Variants in CES3 observed in about 807,000 individuals in gnomAD.
CES3 encodes carboxylesterase 3.
Under a neutral mutation model 57.6 loss-of-function variants are expected in CES3, and 49 were observed. The ratio of observed to expected loss-of-function variants is 0.85; its 90% CI spans 0.68 to 1.08. The LOEUF is 1.08. CES3 is among the 50% of genes least tolerant of loss of function. The probability of loss-of-function intolerance (pLI) is 0.00; values close to 1 mark genes in which losing one functional copy is unlikely to be tolerated. For synonymous variants in CES3, 266 were observed against 281.6 expected, an observed-to-expected ratio of 0.94 and a Z score of 0.55; for missense variants, 645 against 742.0, an observed-to-expected ratio of 0.87 and a Z score of 1.52.
chr16:66,962,801 G>A (rs1963669098), intron 1 of CES3, among the ~76,000 whole-genome samples: 1 of 152,230 alleles, frequency 6.6e-6, no homozygotes, highest in South Asian at 2.1e-4. Flanking sequence ...GGAGGCTGAG[G>A]CCCTGGAGTC....
Position 66,966,352 on chromosome 16 carries a change from C to T in CES3, c.921+7C>T. Reference sequence around the variant, plus strand: ...GGTCCTTAGCAAGAAGCTGGTATGGCCACCCTTTTGGGGATGGTGCCGGGC... The same window carrying T: ...GGTCCTTAGCAAGAAGCTGGTATGGTCACCCTTTTGGGGATGGTGCCGGGC... On this transcript the variant is annotated splice_region_variant and intron_variant, in intron 7 of 12. Coordinates refer to ENST00000303334, the MANE Select transcript of CES3 (RefSeq NM_024922.6). 6.2e-7 allele frequency: 1 copy of T among 1,612,594 alleles called. No individual in the cohort carries two copies.
chr16:66,967,869 C>G (rs1243999392), intron 8 of CES3: 2 of 615,388 alleles, frequency 3.2e-6, no homozygotes, highest in Non-Finnish European at 4.1e-6. Context: ...CCGAGCAATC[C>G]TCCCAGCTTC....
At position 66,967,822 on chromosome 16, in the gene CES3, C is replaced by T. The variant is rs1165916336; in HGVS notation, c.1062+957C>T. Reference sequence around the variant, plus strand: ...CATCATCCAGGCTGCAGTGCAGCAGCGCCATCATGACTCTCTACTGCCTCA... The same window carrying T: ...CATCATCCAGGCTGCAGTGCAGCAGTGCCATCATGACTCTCTACTGCCTCA... On this transcript the variant is annotated intron_variant, in intron 8 of 12. Coordinates refer to ENST00000303334, the MANE Select transcript of CES3 (RefSeq NM_024922.6). 7.5e-6 allele frequency: 7 copies of T among 927,802 alleles called. No homozygotes were observed. In the South Asian group the frequency reaches 2.0e-4, roughly 26 times the overall value. The allele number at this position is 927,802 out of a possible 1,614,324, so 57.5% of individuals were successfully genotyped here.
intron 4 of CES3, 124 bp downstream of exon 4, chr16:66,964,059 G>A: frequency 7.2e-7 from 1 of 1,382,356 alleles, no homozygotes; most frequent in African/African-American, 1.4e-5. Context: ...TGATGTCTGA[G>A]GCAGAGAAGG....
At chr16:66,971,436 C>A in intron 10 of CES3, 117 bp downstream of exon 10, 1 of 927,102 alleles carries the variant, frequency 1.1e-6, no homozygotes, top group Non-Finnish European at 1.6e-6. Context: ...CACCCCACAC[C>A]CCACTGCCCC....
intron 7 of CES3, 117 bp downstream of exon 7, chr16:66,966,462 G>A: frequency 9.6e-7 from 1 of 1,046,980 alleles, no homozygotes; most frequent in Non-Finnish European, 1.4e-6. Flanking sequence ...AGCAGCTCAT[G>A]AGGGGAAGGG....
At position 66,968,769 on chromosome 16, in the gene CES3, C is replaced by G. The variant is rs541711288; in HGVS notation, c.1063-910C>G. The stretch of plus-strand genomic sequence containing the variant: ...TCTGTACTAAAAATACAAAAATTAG[C>G]TGGGCGTGGTGGTGCATGCCTGTAA... On this transcript the variant is annotated intron_variant, in intron 8 of 12. Coordinates refer to ENST00000303334, the MANE Select transcript of CES3 (RefSeq NM_024922.6). 2.0e-5 allele frequency among the ~76,000 whole-genome samples: 3 copies of G among 152,122 alleles called. No individual in the cohort carries two copies. In the East Asian group the frequency reaches 5.9e-4, roughly 30 times the overall value.
rs754227112 is a variant in CES3 at position 66,972,525 on chromosome 16, C to A, written c.1441+20C>A. On this transcript the variant is annotated intron_variant, in intron 11 of 12. Transcript: ENST00000303334. ...GCCTGGGTGAGGACAGACAGACAGA[C>A]ATGTGATCCCTAGGCTGCCAGACTC... The A allele has an allele frequency of 8.7e-6, 14 of 1,608,036 alleles. No homozygotes were observed. The highest frequency in any genetic ancestry group is 4.5e-5 in the East Asian group (2 of 44,786).
At chr16:66,970,435 G>A (rs779639728) in intron 9 of CES3, among the ~76,000 whole-genome samples, 17 of 152,294 alleles carry the variant, frequency 1.1e-4, no homozygotes, top group Middle Eastern at 6.8e-3. Flanking sequence ...AGGAATTCTC[G>A]CTAGCCCCAT....
In CES3 at chr16:66,972,336, A is replaced by G; in HGVS notation, c.1292-20A>G. Reference sequence around the variant, plus strand: ...ATCAGGCCATGAGTGCCTAACTCCCATCCCATCCTTTCTCTGTAGATTCTG... The same window carrying G: ...ATCAGGCCATGAGTGCCTAACTCCCGTCCCATCCTTTCTCTGTAGATTCTG... On this transcript the variant is annotated intron_variant, in intron 10 of 12. Transcript: ENST00000303334. 1 of 1,568,608 alleles carries G rather than the reference A, an allele frequency of 6.4e-7. No individual in the cohort carries two copies. Among genetic ancestry groups the G allele is most frequent in the Non-Finnish European group, 8.7e-7 (1 of 1,155,634 alleles).
At position 66,963,561 on chromosome 16, in the gene CES3, G is replaced by T. The variant is rs761090294; in HGVS notation, c.358G>T (p.Val120Phe). 1.2e-6 allele frequency: 2 copies of T among 1,614,214 alleles called. No homozygotes were observed. The highest frequency in any genetic ancestry group is 1.7e-6 in the Non-Finnish European group (2 of 1,180,028). The change falls in exon 3 of 13, where the codon GTT (valine) becomes TTT (phenylalanine). Residue 120 changes from valine to phenylalanine, a missense_variant. Coordinates refer to ENST00000303334, the MANE Select transcript of CES3 (RefSeq NM_024922.6). This position sits in a 1 kb window ranked among gnomAD's most constrained non-coding sequence, Gnocchi z 4.9. ...VLNGKQQIFS[V>F]SEDCLVLNVY... is the part of the protein sequence containing the mutation. The stretch of plus-strand genomic sequence containing the variant: ...CAACGGAAAACAGCAGATCTTCTCC[G>T]TTTCAGAGGACTGCCTGGTCCTCAA...
At chr16:66,967,610 T>C (rs1218317980) in intron 8 of CES3, 1 of 985,272 alleles carries the variant, frequency 1.0e-6, no homozygotes, top group East Asian at 1.1e-4. Flanking sequence ...AGCACTGTGC[T>C]TTCATCCCGA....
At chr16:66,968,180 A>G (rs1258226879) in intron 8 of CES3, among the ~76,000 whole-genome samples, 23 of 151,974 alleles carry the variant, frequency 1.5e-4, no homozygotes, top group Admixed American at 1.5e-3. Flanking sequence ...TGTTTTTGAG[A>G]TGGAGTTTTG....
chr16:66,971,195 C>T lies in CES3; in HGVS notation c.1167C>T (p.Pro389=). Residue 389 remains proline, a synonymous_variant, in exon 10 of 13, where the codon CCC becomes CCT. Coordinates refer to ENST00000303334, the MANE Select transcript of CES3 (RefSeq NM_024922.6). ...TSLDVPPEMM[P]TVIDEYLGSN... is the part of the protein sequence containing the mutation. ...AGGATGTGCCCCCTGAGATGATGCC[C>T]ACCGTCATAGATGAATACCTAGGAA... 2 of 1,613,824 alleles carry T rather than the reference C, an allele frequency of 1.2e-6. No homozygotes were observed. The highest frequency in any genetic ancestry group is 1.1e-5 in the South Asian group (1 of 91,024).
At chr16:66,967,698 T>TTTC (rs1295923974) in intron 8 of CES3, 2 of 985,332 alleles carry the variant, frequency 2.0e-6, no homozygotes, top group Non-Finnish European at 2.4e-6. Flanking sequence ...TTTTTTTTTT[T>TTTC]TTCGTCTTGG....
At position 66,964,521 on chromosome 16, in the gene CES3, A is replaced by C. The variant is rs1321195452; in HGVS notation, c.714+11A>C. 1 of 1,613,640 alleles carries C rather than the reference A, an allele frequency of 6.2e-7. No homozygotes were observed. The highest frequency in any genetic ancestry group is 1.1e-5 in the South Asian group (1 of 91,040). ...ATCATCTCTGGCCTGGTAAGTCACT[A>C]TAGGGGGCTAGTGATGGTGGCCAGG... On this transcript the variant is annotated intron_variant, in intron 5 of 12. Transcript: ENST00000303334.
chr16:66,964,048 A>G lies in CES3; in HGVS notation c.560+113A>G, dbSNP rs904609553. ...AACCTGAAGGGAGGGCCCCTTACCC[A>G]TGATGTCTGAGGCAGAGAAGGGCAC... On this transcript the variant is annotated intron_variant, in intron 4 of 12. Coordinates refer to ENST00000303334, the MANE Select transcript of CES3 (RefSeq NM_024922.6). 7.4e-6 allele frequency: 11 copies of G among 1,476,654 alleles called. No homozygotes were observed. The African/African-American group carries it at 1.1e-4, about 15-fold the overall frequency. The allele number at this position is 1,476,654 out of a possible 1,614,324, so 91.5% of individuals were successfully genotyped here. A position where few individuals can be genotyped will look rare whatever the true frequency, so the allele number is the denominator to read the frequency against.
In CES3 at chr16:66,964,672, G is replaced by GCCT. The variant is rs1231946629; in HGVS notation, c.764_765insCCT (p.Ser255_Gly256insLeu). 1 of 1,613,982 alleles carries GCCT rather than the reference G, an allele frequency of 6.2e-7. No homozygotes were observed. Among genetic ancestry groups the GCCT allele is most frequent in the Admixed American group, 1.7e-5 (1 of 59,996 alleles). On this transcript the variant is annotated inframe_insertion, in exon 6 of 13. Transcript: ENST00000303334. ...CTGTTCCACAGAGCCATCACACAGA[G>GCCT]TGGGGTCATCACCACCCCAGGGATC...
Position 66,972,326 on chromosome 16 carries a change from C to T in CES3, c.1292-30C>T, listed in dbSNP as rs1349545973. The T allele has an allele frequency of 5.8e-6, 9 of 1,546,924 alleles. No homozygotes were observed. In the South Asian group the frequency reaches 1.1e-4, roughly 19 times the overall value. On this transcript the variant is annotated intron_variant, in intron 10 of 12. Transcript: ENST00000303334. ...GCAGCATCGAATCAGGCCATGAGTG[C>T]CTAACTCCCATCCCATCCTTTCTCT... is the stretch of plus-strand genomic sequence containing the variant.
Sources: gnomAD v4.1 joint callset for allele counts (sites outside exome capture counted in the v4.1 genomes callset) on GRCh38, gnomAD v4.1.1 for gene constraint, Gnocchi (gnomAD v3.1) non-coding constraint, MANE v1.5 for transcripts, NCBI Gene and HGNC (gene_info 2026-07-23, HGNC 2026-07-21) for gene names.